Variants in PHLPP1 observed in about 807,000 individuals in gnomAD.
The protein encoded by PHLPP1 is PH domain and leucine rich repeat protein phosphatase 1.
A neutral mutation model predicts 117.2 loss-of-function variants in PHLPP1; 42 were observed. The observed-to-expected ratio is 0.36, with a 90% CI of 0.28 to 0.46. PHLPP1 has a LOEUF of 0.46. PHLPP1 is among the 20% of genes least tolerant of loss of function. The pLI is 1.00. For missense variants in PHLPP1, 2,084 were observed against 2,241.9 expected, an observed-to-expected ratio of 0.93 and a Z score of 1.42; for synonymous variants, 1,042 against 970.7, an observed-to-expected ratio of 1.07 and a Z score of -1.37.
chr18:62,827,572 A>T (rs548280577), intron 1 of PHLPP1, among the ~76,000 whole-genome samples: 5 of 152,212 alleles, frequency 3.3e-5, no homozygotes, highest in Admixed American at 1.3e-4. Context: ...GATGTGTCTG[A>T]TCTGGTACAC....
At chr18:62,936,677 G>T (rs539241585) in intron 10 of PHLPP1, among the ~76,000 whole-genome samples, 5 of 152,162 alleles carry the variant, frequency 3.3e-5, no homozygotes, top group Admixed American at 6.5e-5. Context: ...TGCCAAAAAC[G>T]CATGACCTTA....
At position 62,919,949 on chromosome 18, in the gene PHLPP1, T is replaced by G. The variant is rs1187573731; in HGVS notation, c.2805-10T>G. On this transcript the variant is annotated splice_polypyrimidine_tract_variant and intron_variant, in intron 9 of 16. Coordinates refer to ENST00000262719, the MANE Select transcript of PHLPP1 (RefSeq NM_194449.4). ...TTTCATTTTTTGGTCTTTTGTCCCT[T>G]TTTATACAGCTTATTTTGTAATAGC... is the stretch of plus-strand genomic sequence containing the variant. 2 of 1,573,628 alleles carry G rather than the reference T, an allele frequency of 1.3e-6. No homozygotes were observed. The highest frequency in any genetic ancestry group is 1.2e-5 in the South Asian group (1 of 86,048).
chr18:62,938,046 G>A (rs554150044), intron 10 of PHLPP1, among the ~76,000 whole-genome samples: 9 of 151,962 alleles, frequency 5.9e-5, no homozygotes, highest in African/African-American at 1.9e-4. Context: ...AAGGTCTGTG[G>A]TGTCTGTGGA....
At chr18:62,865,686 A>G (rs148082308) in intron 4 of PHLPP1, among the ~76,000 whole-genome samples, 57 of 152,354 alleles carry the variant, frequency 3.7e-4, no homozygotes, top group African/African-American at 1.1e-3. Context: ...TTAATATACC[A>G]TGGAATACTA....
chr18:62,800,667 T>G (rs1329612461), intron 1 of PHLPP1, among the ~76,000 whole-genome samples: 1 of 152,132 alleles, frequency 6.6e-6, no homozygotes, highest in Admixed American at 6.5e-5. Context: ...TGATATTTAC[T>G]TTGGTTCATG....
At chr18:62,964,383 C>T (rs913324014) in intron 14 of PHLPP1, among the ~76,000 whole-genome samples, 2 of 152,110 alleles carry the variant, frequency 1.3e-5, no homozygotes, top group Non-Finnish European at 2.9e-5. Flanking sequence ...TGAGAACCAC[C>T]GACTAGCTGA....
chr18:62,769,039 A>G (rs1198879037), intron 1 of PHLPP1, among the ~76,000 whole-genome samples: 1 of 152,214 alleles, frequency 6.6e-6, no homozygotes, highest in Non-Finnish European at 1.5e-5. Context: ...TATATCATCT[A>G]TAAATGATTG....
At chr18:62,879,222 G>A (rs1916116410) in intron 4 of PHLPP1, among the ~76,000 whole-genome samples, 1 of 152,132 alleles carries the variant, frequency 6.6e-6, no homozygotes, top group Non-Finnish European at 1.5e-5. Flanking sequence ...ATGTATTAAT[G>A]CCCATTATCA....
chr18:62,972,492 C>T (rs1911078228), intron 14 of PHLPP1, 22 bp from the exon 15 acceptor site: 1 of 1,608,036 alleles, frequency 6.2e-7, no homozygotes, highest in Non-Finnish European at 8.5e-7. Context: ...GGACTCAGCA[C>T]AGAAGTGTGG....
intron 1 of PHLPP1, among the ~76,000 whole-genome samples, chr18:62,744,592 T>TC (rs765768131): frequency 3.3e-5 from 5 of 152,182 alleles, no homozygotes; most frequent in Non-Finnish European, 7.3e-5. Context: ...GCTTGGTGTA[T>TC]AGTAGGTGCT....
chr18:62,976,150 G>A (rs1911179670), intron 16 of PHLPP1, among the ~76,000 whole-genome samples: 6 of 152,182 alleles, frequency 3.9e-5, no homozygotes, highest in Non-Finnish European at 5.9e-5. Flanking sequence ...GTTTTCAACT[G>A]GGGGCAGTTT....
chr18:62,804,300 G>A (rs1463848223), intron 1 of PHLPP1, among the ~76,000 whole-genome samples: 2 of 152,142 alleles, frequency 1.3e-5, no homozygotes, highest in South Asian at 2.1e-4. Flanking sequence ...ACACGTAAGG[G>A]TTACGATTTA....
chr18:62,814,528 T>C (rs1030554731), intron 1 of PHLPP1, among the ~76,000 whole-genome samples: 2 of 152,236 alleles, frequency 1.3e-5, no homozygotes, highest in African/African-American at 2.4e-5. Flanking sequence ...AGGATTTATA[T>C]GCAATAAGAA....
intron 14 of PHLPP1, among the ~76,000 whole-genome samples, chr18:62,970,182 A>G (rs910409638): frequency 6.6e-6 from 1 of 152,126 alleles, no homozygotes; most frequent in South Asian, 2.1e-4. Context: ...GTTTACCTTC[A>G]AGTAATAGTA....
Position 62,822,276 on chromosome 18 carries a change from T to G in PHLPP1, c.1577-7759T>G, listed in dbSNP as rs901334512. Among the ~76,000 whole-genome samples, 966 of 145,218 alleles carry G rather than the reference T, an allele frequency of 6.7e-3. 23 individuals are homozygous for G. The highest frequency in any genetic ancestry group is 0.012 in the East Asian group (59 of 5,002). On this transcript the variant is annotated intron_variant, in intron 1 of 16. Coordinates refer to ENST00000262719, the MANE Select transcript of PHLPP1 (RefSeq NM_194449.4). Reference sequence around the variant, plus strand: ...CTGTAGAAAATAGTGTTTTTTTTTTTTTTGTTTTTGTTTTTTTTTTTTTGA... The same window carrying G: ...CTGTAGAAAATAGTGTTTTTTTTTTGTTTGTTTTTGTTTTTTTTTTTTTGA...
At chr18:62,854,464 A>G (rs1185315702) in intron 3 of PHLPP1, among the ~76,000 whole-genome samples, 1 of 152,218 alleles carries the variant, frequency 6.6e-6, no homozygotes, top group East Asian at 1.9e-4. Context: ...GTATTTGGTC[A>G]GCAGATGGTC....
chr18:62,906,476 A>C (rs1467080313), intron 8 of PHLPP1: 1 of 147,258 alleles, frequency 6.8e-6, no homozygotes, highest in African/African-American at 2.5e-5. Flanking sequence ...AAGCAGGGCG[A>C]GGCATTGCCT....
Position 62,715,656 on chromosome 18 carries a change from TG to T in PHLPP1, c.-21del, listed in dbSNP as rs140365112. 54 of 1,260,694 alleles carry T rather than the reference TG, an allele frequency of 4.3e-5. No individual in the cohort carries two copies. Among genetic ancestry groups the T allele is most frequent in the South Asian group, 3.0e-4 (10 of 32,806 alleles). The allele number at this position is 1,260,694 out of a possible 1,614,324, so 78.1% of individuals were successfully genotyped here. A position where few individuals can be genotyped will look rare whatever the true frequency, so the allele number is the denominator to read the frequency against. On this transcript the variant is annotated 5_prime_UTR_variant, in exon 1 of 17. Coordinates refer to ENST00000262719, the MANE Select transcript of PHLPP1 (RefSeq NM_194449.4). ...CCTCTCCGCCCGCTGCCTCCGGAGCTGGGGGGGAAACGCGAAGCCCCACTGC... is the reference window on the plus strand; with the variant it reads ...CCTCTCCGCCCGCTGCCTCCGGAGCTGGGGGGAAACGCGAAGCCCCACTGC...
chr18:62,807,164 A>G (rs1473282759), intron 1 of PHLPP1, among the ~76,000 whole-genome samples: 1 of 152,074 alleles, frequency 6.6e-6, no homozygotes, highest in Non-Finnish European at 1.5e-5. Context: ...CCACAAGATA[A>G]TTTTCTTCTT....
Sources: allele counts gnomAD v4.1 joint callset (sites outside exome capture counted in the v4.1 genomes callset), GRCh38; gene constraint gnomAD v4.1.1; transcripts MANE v1.5; gene names NCBI Gene and HGNC (gene_info 2026-07-23, HGNC 2026-07-21).